Variants in TFDP1 observed in about 807,000 individuals in gnomAD.
TFDP1 encodes DRTF1-polypeptide 1.
Under a neutral mutation model 48.0 loss-of-function variants are expected in TFDP1, and 6 were observed. That is an observed-to-expected ratio of 0.13 (90% CI 0.07 to 0.25). The LOEUF (loss-of-function observed/expected upper bound fraction) is 0.25. Among genes scored for constraint, TFDP1 ranks in the 10% least tolerant of loss-of-function variants. The pLI, the probability that TFDP1 is intolerant of heterozygous loss-of-function variation, is 1.00. For missense variants in TFDP1, 335 were observed against 543.0 expected (o/e 0.62, Z 3.81); for synonymous variants, 201 against 211.6 (o/e 0.95, Z 0.44).
intron 10 of TFDP1, 23 bp downstream of exon 10, chr13:113,636,723 G>A: frequency 6.2e-7 from 1 of 1,607,724 alleles, no homozygotes; most frequent in African/African-American, 1.3e-5. Flanking sequence ...CAGACAACCT[G>A]GCGTGGCTGT....
At chr13:113,625,408 G>C (rs1478292057) in intron 4 of TFDP1, among the ~76,000 whole-genome samples, 1 of 121,110 alleles carries the variant, frequency 8.3e-6, no homozygotes, top group Non-Finnish European at 1.7e-5. Flanking sequence ...CGTGTCCTCA[G>C]GTGTCTCTCA....
chr13:113,600,149 C>T (rs752096719), intron 2 of TFDP1, among the ~76,000 whole-genome samples: 2 of 148,860 alleles, frequency 1.3e-5, no homozygotes, highest in Admixed American at 6.7e-5. Context: ...GCTCCAGAGC[C>T]GTGAGAGAGA....
At position 113,633,323 on chromosome 13, in the gene TFDP1, G is replaced by C; in HGVS notation, c.474+38G>C. On this transcript the variant is annotated intron_variant, in intron 6 of 11. Transcript: ENST00000375370. The surrounding 1 kb of genome is among the most constrained non-coding windows in gnomAD (Gnocchi z 4.5). Reference sequence around the variant, plus strand: ...CGGGGGCCGAGAGGCTGGGGTGGCGGAGCCCAGCGGTGTGGTACGTTTCGC... The same window carrying C: ...CGGGGGCCGAGAGGCTGGGGTGGCGCAGCCCAGCGGTGTGGTACGTTTCGC... The C allele has an allele frequency of 6.4e-7, 1 of 1,570,220 alleles. No individual in the cohort carries two copies. The highest frequency in any genetic ancestry group is 1.4e-5 in the African/African-American group (1 of 73,868).
rs533338573 is a variant in TFDP1, at chr13:113,640,504, T to G, written c.*237T>G. The G allele has an allele frequency of 1.8e-5, 10 of 551,004 alleles. No homozygotes were observed. Among genetic ancestry groups the G allele is most frequent in the Non-Finnish European group, 2.8e-5 (10 of 360,258 alleles). The allele number at this position is 551,004 out of a possible 1,614,324, so 34.1% of individuals were successfully genotyped here. ...AGAGCGTTTATTTACTTGTTAGGAT[T>G]TTGTGTTTTCATTTGCTATTTTTCT... On this transcript the variant is annotated 3_prime_UTR_variant, in exon 12 of 12. Transcript: ENST00000375370.
At chr13:113,587,090 A>G (rs937345015) in intron 2 of TFDP1, among the ~76,000 whole-genome samples, 19 of 152,212 alleles carry the variant, frequency 1.2e-4, no homozygotes, top group South Asian at 2.1e-4. Context: ...ATGGTTCTCA[A>G]ACACGCTTTG....
At chr13:113,625,548 T>C (rs1314891177) in intron 4 of TFDP1, among the ~76,000 whole-genome samples, 3 of 105,790 alleles carry the variant, frequency 2.8e-5, no homozygotes, top group African/African-American at 4.4e-5. Context: ...GTCTCTCACG[T>C]GTCCTCAGGT....
intron 3 of TFDP1, among the ~76,000 whole-genome samples, chr13:113,621,914 C>G (rs893827590): frequency 6.6e-6 from 1 of 152,234 alleles, no homozygotes; most frequent in Admixed American, 6.5e-5. Context: ...GGTCACGCTC[C>G]TAGTCCACCT....
rs76150675 is a variant in TFDP1, at chr13:113,594,662, C to T, written c.12+8813C>T. On this transcript the variant is annotated intron_variant, in intron 2 of 11. Coordinates refer to ENST00000375370, the MANE Select transcript of TFDP1 (RefSeq NM_007111.5). ...GTGCCCAGGCTTGGGCTGTGGGTGC[C>T]GCCCGTTCCCAGTGGACATGGAATC... Among the ~76,000 whole-genome samples, 951 of 152,332 alleles carry T rather than the reference C, an allele frequency of 6.2e-3. 33 individuals carry two copies. In the East Asian group the frequency reaches 0.11, roughly 17 times the overall value.
intron 2 of TFDP1, among the ~76,000 whole-genome samples, chr13:113,602,284 A>T (rs2048454810): frequency 6.7e-6 from 1 of 150,256 alleles, no homozygotes; most frequent in Admixed American, 6.6e-5. Flanking sequence ...GAGTCGAGGG[A>T]GGAGTGGACA....
At chr13:113,628,419 G>T (rs1022253984) in intron 4 of TFDP1, among the ~76,000 whole-genome samples, 23 of 152,384 alleles carry the variant, frequency 1.5e-4, no homozygotes, top group Non-Finnish European at 3.1e-4. Flanking sequence ...TGGGGCCTGG[G>T]TCACCTCCCC....
At chr13:113,603,422 C>T (rs550755461) in intron 2 of TFDP1, among the ~76,000 whole-genome samples, 6 of 151,710 alleles carry the variant, frequency 4.0e-5, no homozygotes, top group South Asian at 2.1e-4. Flanking sequence ...TTGTGAGAAC[C>T]GTGGTCACCT....
intron 2 of TFDP1, among the ~76,000 whole-genome samples, chr13:113,595,929 A>C (rs1287183927): frequency 2.0e-5 from 3 of 152,148 alleles, no homozygotes; most frequent in Non-Finnish European, 4.4e-5. Context: ...AAAAATACAA[A>C]AAGTTAGCTG....
At chr13:113,621,819 C>T (rs1444523015) in intron 3 of TFDP1, among the ~76,000 whole-genome samples, 1 of 152,212 alleles carries the variant, frequency 6.6e-6, no homozygotes, top group Non-Finnish European at 1.5e-5. Context: ...TGTTCCTCCA[C>T]CTCTTGTGGA....
chr13:113,604,999 G>C (rs1163428065), intron 2 of TFDP1, among the ~76,000 whole-genome samples: 1 of 152,214 alleles, frequency 6.6e-6, no homozygotes, highest in African/African-American at 2.4e-5. Context: ...ACGGGACGTG[G>C]CTGGCTGAGC....
At chr13:113,620,811 G>A (rs1392539423) in intron 3 of TFDP1, among the ~76,000 whole-genome samples, 5 of 152,188 alleles carry the variant, frequency 3.3e-5, no homozygotes, top group Non-Finnish European at 7.4e-5. Context: ...ATTTCCCAAA[G>A]CAGATCATCT....
intron 3 of TFDP1, among the ~76,000 whole-genome samples, chr13:113,611,963 G>T (rs1463331787): frequency 6.6e-6 from 1 of 152,222 alleles, no homozygotes; most frequent in African/African-American, 2.4e-5. Context: ...AGGCCTGGAT[G>T]TGTTTCCGTT....
intron 2 of TFDP1, among the ~76,000 whole-genome samples, chr13:113,589,476 C>T (rs767457820): frequency 3.3e-5 from 5 of 152,198 alleles, no homozygotes; most frequent in Non-Finnish European, 5.9e-5. Flanking sequence ...CTGTGATAGC[C>T]TCAGGTGCAG....
rs1035783577 is a variant in TFDP1 at position 113,623,339 on chromosome 13, G to A, written c.186+53G>A. Reference sequence around the variant, plus strand: ...GGGATCTCGGTGTGAGGTCGGGATCGGATGAGCCGTGTGGTTGGGGATGTT... The same window carrying A: ...GGGATCTCGGTGTGAGGTCGGGATCAGATGAGCCGTGTGGTTGGGGATGTT... On this transcript the variant is annotated intron_variant, in intron 4 of 11. Coordinates refer to ENST00000375370, the MANE Select transcript of TFDP1 (RefSeq NM_007111.5). This position sits in a 1 kb window ranked among gnomAD's most constrained non-coding sequence, Gnocchi z 5.2. The A allele has an allele frequency of 2.2e-5, 34 of 1,514,934 alleles. No individual in the cohort carries two copies. Among genetic ancestry groups the A allele is most frequent in the African/African-American group, 2.8e-5 (2 of 72,418 alleles). The allele number at this position is 1,514,934 out of a possible 1,614,324, so 93.8% of individuals were successfully genotyped here.
At chr13:113,605,440 G>A (rs965063669) in intron 2 of TFDP1, among the ~76,000 whole-genome samples, 1 of 152,200 alleles carries the variant, frequency 6.6e-6, no homozygotes, top group East Asian at 1.9e-4. Context: ...ACAGACAAAT[G>A]TAGTGGCTTA....
Sources: gnomAD v4.1 joint callset for allele counts (sites outside exome capture counted in the v4.1 genomes callset) on GRCh38, gnomAD v4.1.1 for gene constraint, Gnocchi (gnomAD v3.1) non-coding constraint, MANE v1.5 for transcripts, NCBI Gene and HGNC (gene_info 2026-07-23, HGNC 2026-07-21) for gene names.